The following NPAS3 variants were observed in gnomAD, a reference collection of about 807,000 sequenced individuals.
NPAS3 encodes neuronal PAS domain protein 3, also known as neuronal PAS domain-containing protein 3.
NPAS3 carries 14 observed loss-of-function variants against 73.1 expected under a neutral mutation model. That is an observed-to-expected ratio of 0.19 (90% CI 0.13 to 0.30). The LOEUF (loss-of-function observed/expected upper bound fraction) is 0.30. NPAS3 is among the 10% of genes least tolerant of loss of function. NPAS3 has a pLI of 1.00. For synonymous variants in NPAS3, 620 were observed against 541.5 expected (o/e 1.14, Z -2.01); for missense variants, 1,096 against 1,250.0 (o/e 0.88, Z 1.86).
chr14:33,578,461 T>A, intron 5 of NPAS3: 2 of 344,072 alleles, frequency 5.8e-6, no homozygotes, highest in Non-Finnish European at 1.1e-5. Context: ...CCCAAAGTGC[T>A]GGGATTACAG....
chr14:33,376,720 C>G (rs1216246527), intron 4 of NPAS3, among the ~76,000 whole-genome samples: 1 of 152,142 alleles, frequency 6.6e-6, no homozygotes, highest in Admixed American at 6.6e-5. Flanking sequence ...GAGTTTATAT[C>G]CCCAGTTGTT....
chr14:33,482,641 C>T (rs1333835344), intron 4 of NPAS3, among the ~76,000 whole-genome samples: 1 of 152,028 alleles, frequency 6.6e-6, no homozygotes, highest in Non-Finnish European at 1.5e-5. Flanking sequence ...CAGAGCCTCC[C>T]TCTCTGATCT....
In NPAS3 at chr14:33,435,575, A is replaced by AT. The variant is rs558112199; in HGVS notation, c.468+68315dup. Among the ~76,000 whole-genome samples, 29 of 152,152 alleles carry AT rather than the reference A, an allele frequency of 1.9e-4. No individual in the cohort carries two copies. In the East Asian group the frequency reaches 1.9e-3, roughly 10 times the overall value. On this transcript the variant is annotated intron_variant, in intron 4 of 11. Coordinates refer to ENST00000356141, the Ensembl canonical transcript of NPAS3. ...GGATTTATGTCACAGAGAATACTTG[A>AT]TTTTTTTTAACCATTCATGTTAAAT... is the stretch of plus-strand genomic sequence containing the variant.
At chr14:33,272,782 C>G (rs569269719) in intron 3 of NPAS3, among the ~76,000 whole-genome samples, 76 of 152,252 alleles carry the variant, frequency 5.0e-4, no homozygotes, top group Non-Finnish European at 1.0e-3. Flanking sequence ...CAACACGTTG[C>G]AAGAAGTGAA....
intron 4 of NPAS3, among the ~76,000 whole-genome samples, chr14:33,372,988 G>A (rs1386690465): frequency 1.3e-5 from 2 of 152,086 alleles, no homozygotes; most frequent in Non-Finnish European, 2.9e-5. Flanking sequence ...GAAAAAGTAC[G>A]CATGTTATTT....
chr14:33,784,573 A>G (rs886508775), intron 9 of NPAS3, among the ~76,000 whole-genome samples: 2 of 152,086 alleles, frequency 1.3e-5, no homozygotes, highest in Non-Finnish European at 2.9e-5. Flanking sequence ...GGAGAGACAT[A>G]GAACACAAAC....
intron 4 of NPAS3, among the ~76,000 whole-genome samples, chr14:33,463,519 TA>T (rs1482125564): frequency 6.6e-6 from 1 of 151,348 alleles, no homozygotes. Context: ...AATTTATACT[TA>T]AACAGCTCTA....
chr14:33,776,648 G>A (rs2062830347), intron 8 of NPAS3, among the ~76,000 whole-genome samples: 1 of 144,178 alleles, frequency 6.9e-6, no homozygotes, highest in South Asian at 2.3e-4. Context: ...ATACCTGTAT[G>A]AAAGGTAATT....
chr14:32,956,844 A>T (rs377347238), intron 1 of NPAS3, among the ~76,000 whole-genome samples: 1 of 152,206 alleles, frequency 6.6e-6, no homozygotes, highest in Non-Finnish European at 1.5e-5. Context: ...ACACATCTAA[A>T]ATATGCCCCC....
intron 2 of NPAS3, among the ~76,000 whole-genome samples, chr14:33,059,045 T>G (rs1385977102): frequency 2.0e-5 from 3 of 152,308 alleles, no homozygotes; most frequent in Admixed American, 6.5e-5. Flanking sequence ...CTTTCTCACT[T>G]TGTTAGTTCT....
intron 3 of NPAS3, among the ~76,000 whole-genome samples, chr14:33,337,509 A>T (rs778489804): frequency 9.9e-5 from 15 of 152,058 alleles, no homozygotes; most frequent in Non-Finnish European, 1.9e-4. Context: ...TACATTTTAA[A>T]ATCAGGTAGT....
intron 2 of NPAS3, among the ~76,000 whole-genome samples, chr14:33,174,763 A>G (rs1481850044): frequency 6.6e-6 from 1 of 152,202 alleles, no homozygotes; most frequent in Non-Finnish European, 1.5e-5. Flanking sequence ...GGAGCAAGGA[A>G]GAAATTTTAG....
chr14:33,542,453 G>A (rs1013119142), intron 4 of NPAS3, among the ~76,000 whole-genome samples: 2 of 152,080 alleles, frequency 1.3e-5, no homozygotes, highest in East Asian at 1.9e-4. Context: ...GTGTGTTCTC[G>A]TCGCCCCTCA....
chr14:33,669,811 C>T (rs76794199), intron 5 of NPAS3, among the ~76,000 whole-genome samples: 11,416 of 152,218 alleles, frequency 0.075, 495 homozygotes, highest in South Asian at 0.2. Context: ...ACTAGGAGAC[C>T]CACTGATCCC....
chr14:33,390,273 G>A (rs1274690855), intron 4 of NPAS3, among the ~76,000 whole-genome samples: 1 of 152,044 alleles, frequency 6.6e-6, no homozygotes, highest in Non-Finnish European at 1.5e-5. Context: ...AGGTCTCCTT[G>A]TCTTTTGTCA....
Position 33,167,451 on chromosome 14 carries a change from TG to T in NPAS3, c.141-47730del, listed in dbSNP as rs2045207955. On this transcript the variant is annotated intron_variant, in intron 2 of 11. Coordinates refer to ENST00000356141, the Ensembl canonical transcript of NPAS3. ...CATACACACACACACGCACGTATAT[TG>T]TAAAGATAAATTAACAAATCAATCT... is the stretch of plus-strand genomic sequence containing the variant. Among the ~76,000 whole-genome samples the T allele has an allele frequency of 1.3e-5, 2 of 152,168 alleles. 1 individual carries two copies. The highest frequency in any genetic ancestry group is 1.3e-4 in the Admixed American group (2 of 15,254).
chr14:32,999,815 T>C (rs1357212350), intron 1 of NPAS3, among the ~76,000 whole-genome samples: 1 of 152,176 alleles, frequency 6.6e-6, no homozygotes, highest in Non-Finnish European at 1.5e-5. Flanking sequence ...CTTGGGTTTC[T>C]GTTGCTTGTA....
At chr14:33,040,900 G>A (rs1473790555) in intron 1 of NPAS3, among the ~76,000 whole-genome samples, 2 of 152,044 alleles carry the variant, frequency 1.3e-5, no homozygotes, top group Non-Finnish European at 2.9e-5. Flanking sequence ...CCAAGCACCC[G>A]AACTTCTCAA....
chr14:33,586,115 C>T (rs979344157), intron 5 of NPAS3: 15 of 151,732 alleles, frequency 9.9e-5, no homozygotes, highest in Admixed American at 3.3e-4. Flanking sequence ...GAAATAAGGC[C>T]TCAGGTGCTT....
Sources: gnomAD v4.1 joint callset for allele counts (sites outside exome capture counted in the v4.1 genomes callset) on GRCh38, gnomAD v4.1.1 for gene constraint, MANE v1.5 for transcripts, NCBI Gene and HGNC (gene_info 2026-07-23, HGNC 2026-07-21) for gene names.